FIRRM: variants seen among roughly 807,000 people sequenced by gnomAD.
FIRRM encodes the protein FIGNL1 interacting regulator of recombination and mitosis.
the FIRRM span, chr1:169,821,678 G>T: frequency 1.9e-6 from 3 of 1,601,424 alleles, no homozygotes; most frequent in Non-Finnish European, 2.6e-6. Context: ...TTTTGGATCA[G>T]GATAATGCTG....
the FIRRM span, chr1:169,849,906 T>C: frequency 4.3e-6 from 2 of 464,056 alleles, no homozygotes; most frequent in Non-Finnish European, 7.7e-6. Context: ...CAAATGATAA[T>C]ACATTTCATT....
chr1:169,849,768 G>A, the FIRRM span: 8 of 606,962 alleles, frequency 1.3e-5, no homozygotes, highest in Admixed American at 1.5e-4. Flanking sequence ...CTCAAAATGA[G>A]GCTTAGATAA....
chr1:169,790,254 T>A, the FIRRM span, among the ~76,000 whole-genome samples: 19 of 152,130 alleles, frequency 1.2e-4, no homozygotes, highest in Non-Finnish European at 2.4e-4. Context: ...CTCGGCTCAC[T>A]GCAACCTCCG....
chr1:169,804,863 A>G, the FIRRM span, among the ~76,000 whole-genome samples: 622 of 152,144 alleles, frequency 4.1e-3, 5 homozygotes, highest in African/African-American at 0.013. Flanking sequence ...TTGTATTTTT[A>G]GTAGAGACAG....
chr1:169,813,328 G>A, the FIRRM span, among the ~76,000 whole-genome samples: 5 of 152,224 alleles, frequency 3.3e-5, no homozygotes, highest in Non-Finnish European at 7.3e-5. Context: ...AGTAGTTGTA[G>A]TAGGACCAGG....
chr1:169,797,011 T>G, the FIRRM span, among the ~76,000 whole-genome samples: 4 of 152,242 alleles, frequency 2.6e-5, no homozygotes, highest in African/African-American at 9.6e-5. Flanking sequence ...ACATTACCAT[T>G]AAAAGAAATG....
At chr1:169,801,400 G>A in the FIRRM span, among the ~76,000 whole-genome samples, 3 of 142,628 alleles carry the variant, frequency 2.1e-5, no homozygotes, top group South Asian at 2.2e-4. Flanking sequence ...AGTCAAGATC[G>A]TGCCATTGCA....
At chr1:169,820,634 A>G in the FIRRM span, among the ~76,000 whole-genome samples, 1 of 152,270 alleles carries the variant, frequency 6.6e-6, no homozygotes, top group Admixed American at 6.5e-5. Context: ...GGGGCGTTTA[A>G]ACCCACCCTG....
the FIRRM span, chr1:169,832,381 G>T: frequency 7.0e-7 from 1 of 1,419,614 alleles, no homozygotes; most frequent in South Asian, 1.2e-5. Flanking sequence ...TTCTAAATTA[G>T]TCAGTCTCTC....
chr1:169,829,274 T>C, the FIRRM span: 1 of 1,580,372 alleles, frequency 6.3e-7, no homozygotes, highest in Non-Finnish European at 8.6e-7. Context: ...ATATCTCTAC[T>C]CAAAGCCGTT....
chr1:169,834,616 T>G, the FIRRM span, among the ~76,000 whole-genome samples: 5 of 152,150 alleles, frequency 3.3e-5, no homozygotes, highest in Non-Finnish European at 5.9e-5. Context: ...TTGTGTCCAT[T>G]TGACAGATGA....
chr1:169,852,563 C>G, the FIRRM span: 1 of 547,380 alleles, frequency 1.8e-6, no homozygotes. Context: ...TGTTGTATAC[C>G]ACATACAAAC....
At chr1:169,796,880 A>C in the FIRRM span, among the ~76,000 whole-genome samples, 2 of 152,156 alleles carry the variant, frequency 1.3e-5, no homozygotes, top group African/African-American at 4.8e-5. Context: ...TTTCATGTTT[A>C]TGTCTTGGCC....
chr1:169,837,235 C>G, the FIRRM span: 1 of 680,186 alleles, frequency 1.5e-6, no homozygotes, highest in Non-Finnish European at 2.2e-6. Flanking sequence ...TCTGTTAGAA[C>G]CTAGTAAGAT....
At chr1:169,811,693 C>G in the FIRRM span, among the ~76,000 whole-genome samples, 1 of 129,092 alleles carries the variant, frequency 7.7e-6, no homozygotes, top group Admixed American at 8.1e-5. Flanking sequence ...AGATAATAGA[C>G]AGATTATCTA....
At chr1:169,830,102 C>T in the FIRRM span, among the ~76,000 whole-genome samples, 1 of 152,130 alleles carries the variant, frequency 6.6e-6, no homozygotes, top group African/African-American at 2.4e-5. Flanking sequence ...GAGGGAATGG[C>T]AGTGTCCTTT....
chr1:169,795,457 A>C, the FIRRM span: 2 of 1,310,244 alleles, frequency 1.5e-6, no homozygotes, highest in Non-Finnish European at 1.9e-6. Context: ...CCAAGGTTTT[A>C]GCAGTGGATG....
the FIRRM span, among the ~76,000 whole-genome samples, chr1:169,841,339 G>A: frequency 6.6e-6 from 1 of 152,176 alleles, no homozygotes; most frequent in African/African-American, 2.4e-5. Flanking sequence ...ATGTGCTATT[G>A]AATTTGGTTT....
At chr1:169,851,064 T>C in the FIRRM span, 1 of 101,634 alleles carries the variant, frequency 9.8e-6, no homozygotes, top group Admixed American at 1.1e-4. Context: ...TTTTTTTTTT[T>C]TTTTTTTTTG....
Sources: allele counts gnomAD v4.1 joint callset (sites outside exome capture counted in the v4.1 genomes callset), GRCh38; gene constraint gnomAD v4.1.1; transcripts MANE v1.5; gene names NCBI Gene and HGNC (gene_info 2026-07-23, HGNC 2026-07-21).